The following CTNNA3 variants were observed in gnomAD, a reference collection of about 807,000 sequenced individuals.
CTNNA3 encodes the protein catenin alpha-3.
Under a neutral mutation model 95.7 loss-of-function variants are expected in CTNNA3, and 76 were observed. The observed-to-expected ratio is 0.79, with a 90% CI of 0.66 to 0.96. CTNNA3 has a LOEUF of 0.96. Among genes scored for constraint, CTNNA3 ranks in the 40% least tolerant of loss-of-function variants. CTNNA3 has a pLI of 0.00. For synonymous variants in CTNNA3, 431 were observed against 374.4 expected (o/e 1.15, Z -1.74); for missense variants, 1,191 against 1,089.8 (o/e 1.09, Z -1.31).
At chr10:66,088,488 TGTGTGTG>T (rs2081073442) in intron 14 of CTNNA3, among the ~76,000 whole-genome samples, 1 of 27,640 alleles carries the variant, frequency 3.6e-5, no homozygotes, top group Non-Finnish European at 8.8e-5. Context: ...AGGTGTTTTG[TGTGTGTG>T]TGTGTGTGTG....
At chr10:66,429,556 G>A (rs1372247180) in intron 11 of CTNNA3, among the ~76,000 whole-genome samples, 2 of 152,088 alleles carry the variant, frequency 1.3e-5, no homozygotes, top group East Asian at 1.9e-4. Context: ...TATCCACCAC[G>A]ATCAAGTTGG....
rs539034129 is a variant in CTNNA3 at position 66,762,176 on chromosome 10, G to C, written c.1281+4088C>G. Among the ~76,000 whole-genome samples the C allele has an allele frequency of 1.1e-4, 17 of 152,066 alleles. No homozygotes were observed. The South Asian group carries it at 3.1e-3, about 28-fold the overall frequency. On this transcript the variant is annotated intron_variant, in intron 9 of 17. Transcript: ENST00000433211. ...TCTTCCTGTTCAATAGATTTTATTGGCAGAAGCCAGTAGAGATAACGGTGC... is the reference window on the plus strand; with the variant it reads ...TCTTCCTGTTCAATAGATTTTATTGCCAGAAGCCAGTAGAGATAACGGTGC...
At chr10:66,313,802 T>C (rs1304045668) in intron 12 of CTNNA3, among the ~76,000 whole-genome samples, 1 of 152,184 alleles carries the variant, frequency 6.6e-6, no homozygotes, top group Admixed American at 6.6e-5. Context: ...ATTCAGAGCC[T>C]GGTACACATT....
At chr10:66,285,889 T>G (rs1383182120) in intron 12 of CTNNA3, among the ~76,000 whole-genome samples, 1 of 151,782 alleles carries the variant, frequency 6.6e-6, no homozygotes, top group Non-Finnish European at 1.5e-5. Flanking sequence ...ATATACTTTT[T>G]GTATCAACTT....
intron 5 of CTNNA3, among the ~76,000 whole-genome samples, chr10:67,491,041 G>GA (rs996519003): frequency 4.0e-4 from 59 of 148,804 alleles, no homozygotes; most frequent in Non-Finnish European, 3.3e-4. Context: ...ATTCTAAAAA[G>GA]AAAAAAAAAC....
intron 7 of CTNNA3, among the ~76,000 whole-genome samples, chr10:67,053,784 T>C (rs58556127): frequency 0.019 from 2,863 of 152,296 alleles, 73 homozygotes; most frequent in African/African-American, 0.058. Flanking sequence ...CAAGATGGAA[T>C]TGACTCATTT....
In CTNNA3 at chr10:66,859,910, G is replaced by A. The variant is rs1413003614; in HGVS notation, c.1048-84386C>T. 2.8e-3 allele frequency among the ~76,000 whole-genome samples: 369 copies of A among 130,724 alleles called. 5 individuals carry two copies. The highest frequency in any genetic ancestry group is 0.01 in the African/African-American group (338 of 33,588). The allele number at this position is 130,724 out of a possible 152,430, so 85.8% of individuals were successfully genotyped here. A position where few individuals can be genotyped will look rare whatever the true frequency, so the allele number is the denominator to read the frequency against. Reference sequence around the variant, plus strand: ...AAATCATCATTCTCAGTAAACTATCGCAAGGACAAAAAACCAAACACCACA... The same window carrying A: ...AAATCATCATTCTCAGTAAACTATCACAAGGACAAAAAACCAAACACCACA... On this transcript the variant is annotated intron_variant, in intron 7 of 17. Coordinates refer to ENST00000433211, the MANE Select transcript of CTNNA3 (RefSeq NM_013266.4).
chr10:66,487,515 C>T (rs1839781676), intron 11 of CTNNA3, among the ~76,000 whole-genome samples: 1 of 152,054 alleles, frequency 6.6e-6, no homozygotes, highest in Non-Finnish European at 1.5e-5. Flanking sequence ...CGCGGAGCCA[C>T]TGTGCCCGGC....
At chr10:66,638,474 C>T (rs1313840451) in intron 9 of CTNNA3, among the ~76,000 whole-genome samples, 1 of 152,116 alleles carries the variant, frequency 6.6e-6, no homozygotes, top group Non-Finnish European at 1.5e-5. Context: ...GACTTCTGGG[C>T]GGGGGCAGGC....
intron 1 of CTNNA3, among the ~76,000 whole-genome samples, chr10:67,658,266 G>A (rs570663573): frequency 3.2e-4 from 49 of 152,144 alleles, no homozygotes; most frequent in Non-Finnish European, 5.1e-4. Context: ...TACCTCAAAA[G>A]GATCTTAAAG....
At chr10:67,317,364 C>A (rs2132542137) in intron 5 of CTNNA3, among the ~76,000 whole-genome samples, 1 of 147,294 alleles carries the variant, frequency 6.8e-6, no homozygotes, top group African/African-American at 2.5e-5. Context: ...CCTCCCCCGT[C>A]CCCCCACCCC....
At chr10:67,643,155 G>A (rs1042075651) in intron 2 of CTNNA3, among the ~76,000 whole-genome samples, 2 of 152,168 alleles carry the variant, frequency 1.3e-5, no homozygotes, top group African/African-American at 2.4e-5. Flanking sequence ...AAAAGAACAA[G>A]TTCACGTCCT....
chr10:67,316,788 A>T (rs1841069426), intron 5 of CTNNA3, among the ~76,000 whole-genome samples: 1 of 152,218 alleles, frequency 6.6e-6, no homozygotes, highest in Admixed American at 6.5e-5. Flanking sequence ...AGAGGAGGTG[A>T]TTAATGATTT....
rs185665579 is a variant in CTNNA3, at chr10:66,275,854, A to C, written c.1884+4616T>G. Among the ~76,000 whole-genome samples, 8 of 152,292 alleles carry C rather than the reference A, an allele frequency of 5.3e-5. No individual in the cohort carries two copies. The East Asian group carries it at 1.5e-3, about 29-fold the overall frequency. On this transcript the variant is annotated intron_variant, in intron 13 of 17. Transcript: ENST00000433211. ...AAAAAATGTTAAGGAAGAAAATGAC[A>C]GAAATTTATAGAAGTTGTGACACTG...
At chr10:66,633,211 G>A (rs1368936362) in intron 9 of CTNNA3, among the ~76,000 whole-genome samples, 2 of 152,056 alleles carry the variant, frequency 1.3e-5, no homozygotes, top group Middle Eastern at 3.2e-3. Flanking sequence ...TCACAGCCAC[G>A]TGAAAACTTT....
chr10:65,966,570 C>T (rs746436503), intron 17 of CTNNA3, 42 bp downstream of exon 17: 3 of 1,545,962 alleles, frequency 1.9e-6, no homozygotes, highest in South Asian at 2.5e-5. Flanking sequence ...CTGTTTCAAG[C>T]ATCTTCCACC....
chr10:66,748,079 G>A (rs1174269054), intron 9 of CTNNA3, among the ~76,000 whole-genome samples: 2 of 152,034 alleles, frequency 1.3e-5, no homozygotes, highest in African/African-American at 4.8e-5. Context: ...AGAGCTCATC[G>A]ACTCTGGCAT....
intron 3 of CTNNA3, among the ~76,000 whole-genome samples, chr10:67,576,650 C>A (rs1842159387): frequency 6.9e-6 from 1 of 145,020 alleles, no homozygotes; most frequent in African/African-American, 2.6e-5. Flanking sequence ...GTGTGCTGCA[C>A]CCATTAACTT....
At position 67,647,471 on chromosome 10, in the gene CTNNA3, C is replaced by T. The variant is rs866862500; in HGVS notation, c.43G>A (p.Asp15Asn). The change falls in exon 2 of 18, where the codon GAT becomes AAT. Residue 15 changes from aspartate to asparagine, a missense_variant. By Grantham distance (23) the Asp-to-Asn change is conservative. Coordinates refer to ENST00000433211, the MANE Select transcript of CTNNA3 (RefSeq NM_013266.4). The stretch of plus-strand genomic sequence containing the variant: ...ACGGTGAATGTTTGGACCTGCAGAT[C>T]CTGAGGATCGATATTCAATGTGATT... ...TPITLNIDPQ[D>N]LQVQTFTVEK... 6.2e-7 allele frequency: 1 copy of T among 1,613,376 alleles called. No homozygotes were observed. The highest frequency in any genetic ancestry group is 8.5e-7 in the Non-Finnish European group (1 of 1,179,538).
Sources: allele counts gnomAD v4.1 joint callset (sites outside exome capture counted in the v4.1 genomes callset), GRCh38; gene constraint gnomAD v4.1.1; transcripts MANE v1.5; gene names NCBI Gene and HGNC (gene_info 2026-07-23, HGNC 2026-07-21).